Variants in CSMD3 observed in about 807,000 individuals in gnomAD.
CSMD3 encodes CUB and sushi domain-containing protein 3.
In CSMD3, 177 loss-of-function variants were observed where a neutral mutation model predicts 435.2. That is an observed-to-expected ratio of 0.41 (90% confidence interval 0.36 to 0.46). CSMD3 has a LOEUF of 0.46. Among genes scored for constraint, CSMD3 ranks in the 20% least tolerant of loss-of-function variants. CSMD3 has a pLI of 0.34. For missense variants in CSMD3, 4,265 were observed against 4,504.6 expected (o/e 0.95, Z 1.52); for synonymous variants, 1,656 against 1,520.5 (o/e 1.09, Z -2.07).
At chr8:112,571,072 A>G (rs775228522) in intron 24 of CSMD3, among the ~76,000 whole-genome samples, 3 of 152,136 alleles carry the variant, frequency 2.0e-5, no homozygotes, top group Non-Finnish European at 2.9e-5. Context: ...CAATGGCGCA[A>G]TCTTGGCTCA....
intron 22 of CSMD3, among the ~76,000 whole-genome samples, chr8:112,613,917 G>A (rs1833465201): frequency 6.6e-6 from 1 of 152,134 alleles, no homozygotes; most frequent in South Asian, 2.1e-4. Context: ...GAGGCCTAGA[G>A]TTTGAGACCA....
intron 13 of CSMD3, among the ~76,000 whole-genome samples, chr8:112,755,193 T>C (rs1484004191): frequency 1.3e-5 from 2 of 151,802 alleles, no homozygotes; most frequent in Non-Finnish European, 2.9e-5. Context: ...TAGCCGGGCG[T>C]GGTGGCGGGC....
intron 10 of CSMD3, among the ~76,000 whole-genome samples, chr8:112,903,167 A>AG (rs778326420): frequency 0.03 from 4,381 of 147,994 alleles, 96 homozygotes; most frequent in Non-Finnish European, 0.04. Flanking sequence ...AAAAAAAAAA[A>AG]AAAAAAAAGA....
chr8:112,735,774 A>G (rs1035049537), intron 13 of CSMD3, among the ~76,000 whole-genome samples: 1 of 151,950 alleles, frequency 6.6e-6, no homozygotes, highest in Non-Finnish European at 1.5e-5. Context: ...TGAGAATCTC[A>G]CTTTATGAAA....
At chr8:113,323,243 GT>G (rs1391267959) in intron 1 of CSMD3, among the ~76,000 whole-genome samples, 2 of 152,050 alleles carry the variant, frequency 1.3e-5, no homozygotes, top group African/African-American at 2.4e-5. Flanking sequence ...CTGTATTATT[GT>G]TATATCCTCA....
At chr8:113,211,549 C>A (rs1012993623) in intron 3 of CSMD3, among the ~76,000 whole-genome samples, 2 of 152,036 alleles carry the variant, frequency 1.3e-5, no homozygotes, top group Non-Finnish European at 2.9e-5. Context: ...AATAGCCAGG[C>A]ATCATGGCGT....
At chr8:112,399,806 CATCT>C (rs1483101092) in intron 35 of CSMD3, among the ~76,000 whole-genome samples, 3 of 152,162 alleles carry the variant, frequency 2.0e-5, no homozygotes, top group Non-Finnish European at 4.4e-5. Flanking sequence ...TCCTCATTTC[CATCT>C]AAGGATTCAT....
intron 20 of CSMD3, among the ~76,000 whole-genome samples, chr8:112,641,031 C>G (rs1332879902): frequency 6.6e-6 from 1 of 152,040 alleles, no homozygotes; most frequent in Non-Finnish European, 1.5e-5. Flanking sequence ...CCTTTCTGAG[C>G]CCTACTTTCT....
chr8:112,908,123 A>G (rs2082311768), intron 10 of CSMD3, among the ~76,000 whole-genome samples: 1 of 151,474 alleles, frequency 6.6e-6, no homozygotes, highest in Non-Finnish European at 1.5e-5. Flanking sequence ...TTTCTACCAA[A>G]TTTATTCATT....
intron 39 of CSMD3, 38 bp from the exon 40 acceptor site, chr8:112,351,282 T>C (rs7003500): frequency 0.46 from 623,425 of 1,361,524 alleles, 146,812 homozygotes; most frequent in Middle Eastern, 0.52. Context: ...TACACATACA[T>C]AAAAAGTTTA....
intron 3 of CSMD3, among the ~76,000 whole-genome samples, chr8:113,259,243 T>C (rs534635523): frequency 6.6e-6 from 1 of 152,220 alleles, no homozygotes; most frequent in East Asian, 1.9e-4. Flanking sequence ...ACTGAATCAA[T>C]CAGAACTTGA....
intron 1 of CSMD3, among the ~76,000 whole-genome samples, chr8:113,336,464 G>C (rs1171404380): frequency 6.6e-6 from 1 of 152,042 alleles, no homozygotes; most frequent in Non-Finnish European, 1.5e-5. Flanking sequence ...TTGATATCTT[G>C]TTGGTTTTCT....
intron 13 of CSMD3, among the ~76,000 whole-genome samples, chr8:112,747,846 C>T: frequency 1.3e-5 from 2 of 151,804 alleles, no homozygotes; most frequent in Non-Finnish European, 2.9e-5. Context: ...GCCTATAGTC[C>T]CAGCTACTCG....
intron 27 of CSMD3, among the ~76,000 whole-genome samples, chr8:112,542,757 A>G (rs932446657): frequency 6.6e-6 from 1 of 152,160 alleles, no homozygotes; most frequent in Non-Finnish European, 1.5e-5. Context: ...TTGAATAGTC[A>G]AATCAGTTTT....
At chr8:113,154,963 T>C (rs1230895080) in intron 4 of CSMD3, among the ~76,000 whole-genome samples, 1 of 152,022 alleles carries the variant, frequency 6.6e-6, no homozygotes, top group Non-Finnish European at 1.5e-5. Context: ...AAAGTTAAAA[T>C]AAATGTGCAT....
At position 112,411,942 on chromosome 8, in the gene CSMD3, G is replaced by A. The variant is rs181401105; in HGVS notation, c.5396-2910C>T. Among the ~76,000 whole-genome samples, 14 of 152,220 alleles carry A rather than the reference G, an allele frequency of 9.2e-5. No homozygotes were observed. In the East Asian group the frequency reaches 2.7e-3, roughly 29 times the overall value. On this transcript the variant is annotated intron_variant, in intron 32 of 70. Coordinates refer to ENST00000297405, the MANE Select transcript of CSMD3 (RefSeq NM_198123.2). Reference sequence around the variant, plus strand: ...TTGTCCAGCAAATTGGGTTACTTGTGTTAAATGGAGACTGTGGTATAATGC... The same window carrying A: ...TTGTCCAGCAAATTGGGTTACTTGTATTAAATGGAGACTGTGGTATAATGC...
At chr8:113,301,644 C>G (rs2093768915) in intron 2 of CSMD3, among the ~76,000 whole-genome samples, 1 of 151,564 alleles carries the variant, frequency 6.6e-6, no homozygotes, top group Non-Finnish European at 1.5e-5. Context: ...TGATTTTTTT[C>G]TCTAAAAATA....
chr8:113,323,924 C>T (rs1354206718), intron 1 of CSMD3, among the ~76,000 whole-genome samples: 1 of 152,136 alleles, frequency 6.6e-6, no homozygotes. Context: ...TTTATCAATA[C>T]ATGAATGAAT....
intron 3 of CSMD3, among the ~76,000 whole-genome samples, chr8:113,225,561 G>GA (rs1413887836): frequency 1.3e-5 from 2 of 150,996 alleles, no homozygotes; most frequent in Admixed American, 6.6e-5. Flanking sequence ...AATGACGAGA[G>GA]AAAAAAAATT....
Sources: gnomAD v4.1 joint callset for allele counts (sites outside exome capture counted in the v4.1 genomes callset) on GRCh38, gnomAD v4.1.1 for gene constraint, MANE v1.5 for transcripts, NCBI Gene and HGNC (gene_info 2026-07-23, HGNC 2026-07-21) for gene names.